KCNU1: variants seen among roughly 807,000 people sequenced by gnomAD.
The protein encoded by KCNU1 is potassium calcium-activated channel subfamily U member 1.
In KCNU1, 93 loss-of-function variants were observed where a neutral mutation model predicts 126.8. The observed-to-expected ratio is 0.73, with a 90% CI of 0.62 to 0.87. KCNU1 has a LOEUF of 0.87. Ranked by LOEUF, KCNU1 falls within the 40% of genes least tolerant of loss-of-function variation. KCNU1 has a pLI of 0.00. For missense variants in KCNU1, 1,330 were observed against 1,367.1 expected, an observed-to-expected ratio of 0.97 and a Z score of 0.43; for synonymous variants, 523 against 494.2, an observed-to-expected ratio of 1.06 and a Z score of -0.77.
chr8:36,923,330 C>T lies in KCNU1; in HGVS notation c.2736+701C>T, dbSNP rs1268356108. Among the ~76,000 whole-genome samples, 9 of 152,050 alleles carry T rather than the reference C, an allele frequency of 5.9e-5. No homozygotes were observed. The South Asian group carries it at 1.2e-3, about 21-fold the overall frequency. On this transcript the variant is annotated intron_variant, in intron 24 of 26. Coordinates refer to ENST00000399881, the MANE Select transcript of KCNU1 (RefSeq NM_001031836.3). ...GCTGAGTGGAGGGGATTGACATGTG[C>T]ATGATAAATAAGTAACACAGAGGGA...
intron 3 of KCNU1, among the ~76,000 whole-genome samples, 167 bp downstream of exon 3, chr8:36,804,255 G>A (rs1047848340): frequency 3.9e-5 from 6 of 152,050 alleles, no homozygotes; most frequent in African/African-American, 9.7e-5. Flanking sequence ...TAAGCACTAA[G>A]CCCAGCTCTG....
chr8:36,881,152 C>T (rs769510515), intron 19 of KCNU1, among the ~76,000 whole-genome samples: 35 of 152,318 alleles, frequency 2.3e-4, no homozygotes, highest in South Asian at 6.2e-4. Flanking sequence ...CTAAACCTTT[C>T]GGGAGCCCTT....
chr8:36,829,209 A>G (rs1804437874), intron 10 of KCNU1, among the ~76,000 whole-genome samples: 1 of 151,990 alleles, frequency 6.6e-6, no homozygotes. Flanking sequence ...TTCTTCTTTC[A>G]GTTTATAATT....
At chr8:36,881,362 A>G (rs1806471323) in intron 19 of KCNU1, among the ~76,000 whole-genome samples, 1 of 152,118 alleles carries the variant, frequency 6.6e-6, no homozygotes, top group South Asian at 2.1e-4. Flanking sequence ...AACTAGTACT[A>G]CAGTCATGAG....
intron 19 of KCNU1, among the ~76,000 whole-genome samples, chr8:36,898,949 A>T (rs1203795350): frequency 6.6e-6 from 1 of 152,074 alleles, no homozygotes; most frequent in African/African-American, 2.4e-5. Context: ...CATCTGTACT[A>T]ACATTGTAGA....
At chr8:36,818,797 C>A (rs1311756511) in intron 10 of KCNU1, among the ~76,000 whole-genome samples, 4 of 152,136 alleles carry the variant, frequency 2.6e-5, no homozygotes, top group Non-Finnish European at 5.9e-5. Flanking sequence ...TAAATTTGGG[C>A]CCTCATGTAT....
chr8:36,788,231 A>G (rs1191506308), intron 2 of KCNU1, among the ~76,000 whole-genome samples: 2 of 152,122 alleles, frequency 1.3e-5, no homozygotes, highest in Non-Finnish European at 1.5e-5. Flanking sequence ...TTACCTCTTT[A>G]TTAGGCTAAG....
chr8:36,913,222 TATG>T (rs1270432908), intron 22 of KCNU1, among the ~76,000 whole-genome samples: 1 of 152,162 alleles, frequency 6.6e-6, no homozygotes, highest in African/African-American at 2.4e-5. Context: ...ATTGATTTTT[TATG>T]ATATGTTGGG....
chr8:36,836,354 T>C lies in KCNU1; in HGVS notation c.1354T>C (p.Ser452Pro), dbSNP rs1167214682. ...CAGAATCATCATACAGATACTGCAA[T>C]CCCATAACAAGGTATAGTAACATTC... is the stretch of plus-strand genomic sequence containing the variant. Reference protein sequence around the residue: ...TTRIIIQILQSHNKVYLPKIP... With the variant: ...TTRIIIQILQPHNKVYLPKIP... Residue 452 changes from serine (S) to proline (P), a missense_variant, in exon 13 of 27, where the codon TCC becomes CCC. Transcript: ENST00000399881. 3 of 1,594,340 alleles carry C rather than the reference T, an allele frequency of 1.9e-6. No individual in the cohort carries two copies. In the Admixed American group the frequency reaches 5.0e-5, roughly 27 times the overall value.
chr8:36,841,332 A>G (rs1300013720), intron 16 of KCNU1, among the ~76,000 whole-genome samples: 1 of 152,130 alleles, frequency 6.6e-6, no homozygotes, highest in Non-Finnish European at 1.5e-5. Flanking sequence ...GATCTTGACC[A>G]TGAAATAATA....
At chr8:36,819,892 T>A (rs1300722072) in intron 10 of KCNU1, among the ~76,000 whole-genome samples, 1 of 152,214 alleles carries the variant, frequency 6.6e-6, no homozygotes, top group Non-Finnish European at 1.5e-5. Flanking sequence ...TGGGCTGACC[T>A]GTGGCTTAAT....
chr8:36,924,205 C>T (rs1379307656), intron 24 of KCNU1, among the ~76,000 whole-genome samples: 1 of 152,202 alleles, frequency 6.6e-6, no homozygotes, highest in East Asian at 1.9e-4. Flanking sequence ...CTGCCTCCCA[C>T]ACTCCTCCTA....
intron 24 of KCNU1, among the ~76,000 whole-genome samples, chr8:36,930,641 C>T (rs750523449): frequency 7.9e-5 from 12 of 152,016 alleles, no homozygotes; most frequent in Non-Finnish European, 1.6e-4. Context: ...ATGTATACCC[C>T]CTCTGGTCAT....
intron 18 of KCNU1, among the ~76,000 whole-genome samples, chr8:36,846,551 C>A (rs746073056): frequency 6.6e-6 from 1 of 152,146 alleles, no homozygotes; most frequent in Non-Finnish European, 1.5e-5. Context: ...CACCTGTAAT[C>A]CCAGCATTTT....
rs1180393369 is a variant in KCNU1, at chr8:36,922,512, T to C, written c.2619T>C (p.Phe873=). 1.2e-6 allele frequency: 2 copies of C among 1,612,640 alleles called. No individual in the cohort carries two copies. Among genetic ancestry groups the C allele is most frequent in the Admixed American group, 3.4e-5 (2 of 59,682 alleles). Residue 873 remains phenylalanine (F), a synonymous_variant, in exon 24 of 27, where the codon TTT becomes TTC. Transcript: ENST00000399881. ...TELKNPSNIH[F]IEQLGGLEGS... Reference sequence around the variant, plus strand: ...CAGAAAATCCTTCCAACATTCACTTTATTGAACAGCTTGGTGGACTGGAAG... The same window carrying C: ...CAGAAAATCCTTCCAACATTCACTTCATTGAACAGCTTGGTGGACTGGAAG...
chr8:36,926,820 C>A (rs1415525365), intron 24 of KCNU1, among the ~76,000 whole-genome samples: 1 of 152,112 alleles, frequency 6.6e-6, no homozygotes, highest in East Asian at 1.9e-4. Context: ...CAATTAGACT[C>A]TAAACGTTGG....
intron 10 of KCNU1, among the ~76,000 whole-genome samples, chr8:36,821,486 A>T (rs1180358763): frequency 1.3e-5 from 2 of 152,062 alleles, no homozygotes; most frequent in Admixed American, 1.3e-4. Flanking sequence ...TCAGGACTAG[A>T]TGTATTTAGG....
chr8:36,816,845 A>G (rs775308158), intron 9 of KCNU1, among the ~76,000 whole-genome samples: 37 of 152,150 alleles, frequency 2.4e-4, no homozygotes, highest in Non-Finnish European at 4.7e-4. Flanking sequence ...AATGTGGAAG[A>G]TAAGCTGAAA....
At chr8:36,878,121 C>T (rs1182431416) in intron 19 of KCNU1, among the ~76,000 whole-genome samples, 6 of 152,082 alleles carry the variant, frequency 3.9e-5, no homozygotes, top group Admixed American at 2.0e-4. Flanking sequence ...TCTTTTCAAA[C>T]AAAAATATGT....
Sources: gnomAD v4.1 joint callset for allele counts (sites outside exome capture counted in the v4.1 genomes callset) on GRCh38, gnomAD v4.1.1 for gene constraint, MANE v1.5 for transcripts, NCBI Gene and HGNC (gene_info 2026-07-23, HGNC 2026-07-21) for gene names.